The following CERT1 variants were observed in gnomAD, a reference collection of about 807,000 sequenced individuals.
CERT1 encodes ceramide transporter 1, also known as ceramide transfer protein.
A neutral mutation model predicts 87.9 loss-of-function variants in CERT1; 31 were observed. That is an observed-to-expected ratio of 0.35 (90% CI 0.27 to 0.48). CERT1 has a LOEUF of 0.48. CERT1 is among the 20% of genes least tolerant of loss of function. The pLI is 0.99. For synonymous variants in CERT1, 289 were observed against 250.9 expected, an observed-to-expected ratio of 1.15 and a Z score of -1.44; for missense variants, 487 against 758.0, an observed-to-expected ratio of 0.64 and a Z score of 4.20.
chr5:75,505,173 G>A (rs1767593393), intron 2 of CERT1: 1 of 152,270 alleles, frequency 6.6e-6, no homozygotes, highest in African/African-American at 2.4e-5. Context: ...TATAGTCCCA[G>A]CTACTTGGGA....
intron 8 of CERT1, among the ~76,000 whole-genome samples, chr5:75,404,235 T>C (rs1402699395): frequency 6.6e-6 from 1 of 150,568 alleles, no homozygotes; most frequent in East Asian, 1.9e-4. Flanking sequence ...AAATGTTGAC[T>C]TAATGGAGTT....
intron 1 of CERT1, among the ~76,000 whole-genome samples, chr5:75,508,438 A>G (rs1219101063): frequency 6.6e-6 from 1 of 152,226 alleles, no homozygotes; most frequent in Non-Finnish European, 1.5e-5. Context: ...TTATGTATCC[A>G]TAACTTAATA....
chr5:75,456,428 G>C (rs1467256708), intron 3 of CERT1, among the ~76,000 whole-genome samples: 1 of 151,956 alleles, frequency 6.6e-6, no homozygotes, highest in Non-Finnish European at 1.5e-5. Context: ...CAGCATTTTG[G>C]GAAGCTGGCA....
intron 7 of CERT1, among the ~76,000 whole-genome samples, chr5:75,413,248 T>C (rs1045813937): frequency 5.3e-5 from 8 of 152,228 alleles, no homozygotes; most frequent in Non-Finnish European, 1.2e-4. Flanking sequence ...ATGTGGTCCA[T>C]CACTGACGGA....
chr5:75,368,672 A>C (rs894677749), intron 17 of CERT1: 1 of 152,232 alleles, frequency 6.6e-6, no homozygotes, highest in African/African-American at 2.4e-5. Flanking sequence ...GAGGACAGGA[A>C]GAAAGTTTAA....
At chr5:75,511,867 C>T (rs752401047), upstream of CERT1, 20 of 1,523,474 alleles carry the variant, frequency 1.3e-5, no homozygotes, top group South Asian at 1.7e-4. Context: ...GTTGGTCCGT[C>T]GCTCGCGCAG....
At chr5:75,488,652 GT>G (rs1399097900) in intron 2 of CERT1, among the ~76,000 whole-genome samples, 1 of 151,924 alleles carries the variant, frequency 6.6e-6, no homozygotes, top group Non-Finnish European at 1.5e-5. Context: ...TTTTTTCTAA[GT>G]TTAAAAACGC....
chr5:75,500,221 C>G (rs1767285931), intron 2 of CERT1, among the ~76,000 whole-genome samples: 1 of 152,136 alleles, frequency 6.6e-6, no homozygotes, highest in African/African-American at 2.4e-5. Context: ...ACACCTTGAT[C>G]CTATTTCCAG....
intron 12 of CERT1, among the ~76,000 whole-genome samples, chr5:75,388,599 C>CATATATATATATATATAGAT (rs1761896758): frequency 1.1e-5 from 1 of 91,830 alleles, no homozygotes; most frequent in African/African-American, 3.4e-5. Context: ...AGCATGCATG[C>CATATATATATATATATAGAT]ATATATATAT....
intron 15 of CERT1, among the ~76,000 whole-genome samples, chr5:75,381,430 C>T (rs1761581043): frequency 6.6e-6 from 1 of 151,932 alleles, no homozygotes; most frequent in Non-Finnish European, 1.5e-5. Context: ...TCATAGTTCA[C>T]TGCAGCTTCA....
At chr5:75,426,128 T>A (rs1216828810) in intron 4 of CERT1, among the ~76,000 whole-genome samples, 1 of 152,224 alleles carries the variant, frequency 6.6e-6, no homozygotes, top group Non-Finnish European at 1.5e-5. Context: ...TTCTTCAGAT[T>A]TTCCTTTGAA....
At chr5:75,371,785 T>C (rs1248188761) in intron 17 of CERT1, 1 of 152,208 alleles carries the variant, frequency 6.6e-6, no homozygotes, top group Non-Finnish European at 1.5e-5. Context: ...TTTTTTCTTT[T>C]AGTTTGGGGG....
chr5:75,466,842 TA>T (rs1170534793), intron 2 of CERT1, among the ~76,000 whole-genome samples: 2 of 152,230 alleles, frequency 1.3e-5, no homozygotes, highest in Non-Finnish European at 2.9e-5. Context: ...ACTTCTGTAT[TA>T]CCTCAATGTT....
chr5:75,420,536 G>A (rs1763333607), intron 5 of CERT1, among the ~76,000 whole-genome samples: 1 of 151,868 alleles, frequency 6.6e-6, no homozygotes, highest in South Asian at 2.1e-4. Flanking sequence ...GTAGAGACGG[G>A]GTTTGACCAT....
rs376846612 is a variant in CERT1 at position 75,500,149 on chromosome 5, G to A, written c.231+5833C>T. ...CAAAGATTGCCAGCAAACACCAGAT[G>A]TAAGGGGAAACTCATGAAACAGCTT... On this transcript the variant is annotated intron_variant, in intron 2 of 16. Transcript: ENST00000643780. Among the ~76,000 whole-genome samples, 21 of 152,234 alleles carry A rather than the reference G, an allele frequency of 1.4e-4. No individual in the cohort carries two copies. In the East Asian group the frequency reaches 1.7e-3, roughly 13 times the overall value.
intron 3 of CERT1, among the ~76,000 whole-genome samples, chr5:75,441,158 A>G (rs1279795524): frequency 6.6e-6 from 1 of 152,178 alleles, no homozygotes; most frequent in African/African-American, 2.4e-5. Context: ...GGATTATAAT[A>G]CCATATTTTT....
intron 2 of CERT1, among the ~76,000 whole-genome samples, chr5:75,503,298 A>C (rs368158549): frequency 6.6e-6 from 1 of 152,002 alleles, no homozygotes; most frequent in African/African-American, 2.4e-5. Context: ...TCAATTTCAT[A>C]AGAGTGCCAT....
At chr5:75,379,613 G>T in intron 16 of CERT1, 140 bp from the exon 17 acceptor site, 2 of 787,402 alleles carry the variant, frequency 2.5e-6, no homozygotes, top group Non-Finnish European at 4.0e-6. Flanking sequence ...TTGAGACGGA[G>T]TCTTGCTCTG....
chr5:75,482,785 T>C (rs1561294469), intron 2 of CERT1, among the ~76,000 whole-genome samples: 1 of 152,162 alleles, frequency 6.6e-6, no homozygotes, highest in Non-Finnish European at 1.5e-5. Flanking sequence ...GCAGTACTAT[T>C]TGTGAGTCTG....
Sources: allele counts gnomAD v4.1 joint callset (sites outside exome capture counted in the v4.1 genomes callset), GRCh38; gene constraint gnomAD v4.1.1; transcripts MANE v1.5; gene names NCBI Gene and HGNC (gene_info 2026-07-23, HGNC 2026-07-21).